The following POLA1 variants were observed in gnomAD, a reference collection of about 807,000 sequenced individuals.
The protein encoded by POLA1 is DNA polymerase alpha catalytic subunit.
A neutral mutation model predicts 124.0 loss-of-function variants in POLA1; 15 were observed. The observed-to-expected ratio is 0.12, with a 90% CI of 0.08 to 0.19. The LOEUF is 0.19. Among genes scored for constraint, POLA1 ranks in the 10% least tolerant of loss-of-function variants. The probability of loss-of-function intolerance (pLI) is 1.00; values close to 1 mark genes in which losing one functional copy is unlikely to be tolerated. For synonymous variants in POLA1, 408 were observed against 389.4 expected (o/e 1.05, Z -0.56); for missense variants, 886 against 1,103.4 (o/e 0.80, Z 2.79).
chrX:24,765,072 G>C (rs1425065468), intron 26 of POLA1, among the ~76,000 whole-genome samples: 1 of 110,720 alleles, frequency 9.0e-6, no homozygotes, highest in Non-Finnish European at 1.9e-5. Context: ...CCTCCTACCT[G>C]CTGCTCCCTC....
rs201791899 is a variant in POLA1, at chrX:24,843,596, G to A, written c.3966G>A (p.Lys1322=). 1 of 1,186,443 alleles carries A rather than the reference G, an allele frequency of 8.4e-7. No homozygotes were observed. The highest frequency in any genetic ancestry group is 3.0e-5 in the East Asian group (1 of 33,421). The change falls in exon 34 of 37, where the codon AAG becomes AAA. Residue 1322 remains lysine, a synonymous_variant. Coordinates refer to ENST00000379068, the MANE Select transcript of POLA1 (RefSeq NM_001330360.2). The stretch of plus-strand genomic sequence containing the variant: ...ATCGTTGCAGTAACATCGATTGTAA[G>A]GCTTCACCTCTGACCTTTACAGTAC... ...SLYRCSNIDC[K]ASPLTFTVQL... is the part of the protein sequence containing the mutation.
chrX:24,957,150 T>C (rs1180112015), intron 36 of POLA1, among the ~76,000 whole-genome samples: 1 of 111,794 alleles, frequency 8.9e-6, no homozygotes, highest in Non-Finnish European at 1.9e-5. Flanking sequence ...AGTGCAGGGT[T>C]CACAAACTCA....
intron 26 of POLA1, among the ~76,000 whole-genome samples, chrX:24,756,333 G>A (rs1430283725): frequency 9.1e-6 from 1 of 110,161 alleles, no homozygotes; most frequent in African/African-American, 3.3e-5. Context: ...AGGCTGAGGC[G>A]GGTGGATCAC....
At chrX:24,717,823 A>G in intron 10 of POLA1, 65 bp downstream of exon 10, 4 of 737,839 alleles carry the variant, frequency 5.4e-6, no homozygotes. Context: ...TAAATATTTT[A>G]TTTTTTGTTT....
intron 35 of POLA1, among the ~76,000 whole-genome samples, chrX:24,890,773 T>A (rs966407194): frequency 2.1e-4 from 24 of 112,598 alleles, no homozygotes; most frequent in Non-Finnish European, 3.9e-4. Context: ...CAACTTTTTT[T>A]AAAATGTGGA....
chrX:24,756,744 G>A (rs1367181726), intron 26 of POLA1, among the ~76,000 whole-genome samples: 1 of 110,976 alleles, frequency 9.0e-6, no homozygotes, highest in Non-Finnish European at 1.9e-5. Flanking sequence ...AGACTCAAAG[G>A]GGACCATGAT....
intron 36 of POLA1, among the ~76,000 whole-genome samples, chrX:24,934,577 T>G (rs1488078726): frequency 2.7e-5 from 3 of 112,604 alleles, no homozygotes; most frequent in Non-Finnish European, 5.6e-5. Context: ...TCTCCTCATA[T>G]TCTGTGTCAG....
intron 26 of POLA1, among the ~76,000 whole-genome samples, chrX:24,758,499 A>G (rs1932725717): frequency 9.0e-6 from 1 of 111,664 alleles, no homozygotes; most frequent in African/African-American, 3.3e-5. Flanking sequence ...GTTTTTGGAC[A>G]TTGAAAGGTA....
chrX:24,814,952 G>GTTTT (rs753066470), intron 29 of POLA1, 27 bp from the exon 30 acceptor site: 6 of 867,001 alleles, frequency 6.9e-6, no homozygotes, highest in African/African-American at 2.6e-5. Context: ...TGCTGTCTTT[G>GTTTT]TTTTGTTTTT....
intron 36 of POLA1, among the ~76,000 whole-genome samples, chrX:24,995,254 C>T (rs1283915408): frequency 9.0e-6 from 1 of 110,932 alleles, no homozygotes; most frequent in African/African-American, 3.3e-5. Context: ...AAATCTTGGC[C>T]ATGGACAGAC....
At chrX:24,854,699 C>T (rs1296853122) in intron 34 of POLA1, among the ~76,000 whole-genome samples, 1 of 110,341 alleles carries the variant, frequency 9.1e-6, no homozygotes, top group Non-Finnish European at 1.9e-5. Context: ...CGTCTTCGCA[C>T]ATGCCTGTAA....
intron 26 of POLA1, chrX:24,775,235 C>T (rs1274281451): frequency 9.0e-6 from 1 of 110,953 alleles, no homozygotes; most frequent in Non-Finnish European, 1.9e-5. Context: ...GTGATAAACT[C>T]CTGGCACCAC....
chrX:24,840,294 A>T (rs943499849), intron 32 of POLA1, among the ~76,000 whole-genome samples: 1 of 112,309 alleles, frequency 8.9e-6, no homozygotes. Context: ...TCACTATTTT[A>T]TTTTTTCATT....
intron 32 of POLA1, among the ~76,000 whole-genome samples, chrX:24,838,884 G>A (rs1390166598): frequency 1.8e-5 from 2 of 112,240 alleles, no homozygotes; most frequent in Non-Finnish European, 3.8e-5. Context: ...GGTATAAGCA[G>A]TAAAACTTTA....
At chrX:24,816,160 A>G (rs1012079719) in intron 30 of POLA1, among the ~76,000 whole-genome samples, 4 of 112,187 alleles carry the variant, frequency 3.6e-5, no homozygotes, top group Non-Finnish European at 7.5e-5. Flanking sequence ...GAAGGAAAAT[A>G]TTTGAGTCAA....
chrX:24,911,574 A>C (rs1463689436), intron 35 of POLA1, among the ~76,000 whole-genome samples: 2 of 110,679 alleles, frequency 1.8e-5, no homozygotes, highest in Non-Finnish European at 3.8e-5. Flanking sequence ...GTAAAAGCCA[A>C]AGCAAGCAGA....
At chrX:24,909,049 G>C (rs926003767) in intron 35 of POLA1, among the ~76,000 whole-genome samples, 2 of 112,100 alleles carry the variant, frequency 1.8e-5, no homozygotes, top group African/African-American at 3.2e-5. Context: ...AGAATTGTCT[G>C]TTCATATCCT....
rs11573472 is a variant in POLA1, at chrX:24,912,868, G to A, written c.4165-17585G>A. On this transcript the variant is annotated intron_variant, in intron 35 of 36. Transcript: ENST00000379068. Reference sequence around the variant, plus strand: ...CAAAATACTGACAATACCAAAAGCTGGCGCAGATGCAAAACAACAGGAGCC... The same window carrying A: ...CAAAATACTGACAATACCAAAAGCTAGCGCAGATGCAAAACAACAGGAGCC... Among the ~76,000 whole-genome samples, 1,569 of 112,345 alleles carry A rather than the reference G, an allele frequency of 0.014. 43 individuals carry two copies. The East Asian group carries it at 0.14, about 10-fold the overall frequency.
At chrX:24,971,243 C>T (rs1037306458) in intron 36 of POLA1, among the ~76,000 whole-genome samples, 2 of 111,738 alleles carry the variant, frequency 1.8e-5, no homozygotes, top group Admixed American at 9.5e-5. Context: ...GAACCCTCTT[C>T]CCAAAGCTGG....
Sources: gnomAD v4.1 joint callset for allele counts (sites outside exome capture counted in the v4.1 genomes callset) on GRCh38, gnomAD v4.1.1 for gene constraint, MANE v1.5 for transcripts, NCBI Gene and HGNC (gene_info 2026-07-23, HGNC 2026-07-21) for gene names.